Variants in TSHZ3 observed in about 807,000 individuals in gnomAD.
The protein encoded by TSHZ3 is teashirt zinc finger homeobox 3.
In TSHZ3, 10 loss-of-function variants were observed where a neutral mutation model predicts 64.5. The ratio of observed to expected loss-of-function variants is 0.16; its 90% CI spans 0.10 to 0.26. The LOEUF (loss-of-function observed/expected upper bound fraction) is 0.26. Among genes scored for constraint, TSHZ3 ranks in the 10% least tolerant of loss-of-function variants. TSHZ3 has a pLI of 1.00. For missense variants in TSHZ3, 1,242 were observed against 1,421.7 expected (o/e 0.87, Z 2.03); for synonymous variants, 608 against 593.1 (o/e 1.03, Z -0.36).
At chr19:31,251,461 G>T (rs1975840985) in intron 1 of TSHZ3, among the ~76,000 whole-genome samples, 1 of 152,166 alleles carries the variant, frequency 6.6e-6, no homozygotes, top group Non-Finnish European at 1.5e-5. Flanking sequence ...TGACATGGGT[G>T]CCTGGGATAT....
intron 1 of TSHZ3, among the ~76,000 whole-genome samples, chr19:31,335,939 G>A (rs563508579): frequency 5.8e-4 from 89 of 152,318 alleles, no homozygotes; most frequent in Admixed American, 2.7e-3. Flanking sequence ...TGACAGGGAG[G>A]GAGTCAGGGA....
intron 3 of TSHZ3, among the ~76,000 whole-genome samples, chr19:31,231,308 G>A (rs557782230): frequency 5.3e-5 from 8 of 152,154 alleles, no homozygotes; most frequent in East Asian, 3.9e-4. Context: ...GAGGCCGAGC[G>A]GAATTACAAA....
chr19:31,289,168 G>A (rs1976518321), intron 1 of TSHZ3, among the ~76,000 whole-genome samples: 1 of 152,224 alleles, frequency 6.6e-6, no homozygotes, highest in Non-Finnish European at 1.5e-5. Flanking sequence ...CCACACAGAA[G>A]GCCTCCTGCT....
upstream of TSHZ3, among the ~76,000 whole-genome samples, chr19:31,350,090 T>C (rs1299592921): frequency 9.8e-5 from 5 of 51,002 alleles, no homozygotes; most frequent in African/African-American, 3.8e-4. Context: ...ACCCCCCAGC[T>C]GCCCCACCCG....
At chr19:31,228,801 G>T in intron 3 of TSHZ3, among the ~76,000 whole-genome samples, 1 of 152,272 alleles carries the variant, frequency 6.6e-6, no homozygotes, top group Non-Finnish European at 1.5e-5. Context: ...ATGGGTCAGT[G>T]ACTGCAGGGT....
At chr19:31,181,483 C>T (rs1276862663) in intron 5 of TSHZ3, among the ~76,000 whole-genome samples, 1 of 152,154 alleles carries the variant, frequency 6.6e-6, no homozygotes, top group African/African-American at 2.4e-5. Context: ...AGTAGCAGTG[C>T]TCTGTGGCTG....
chr19:31,327,690 C>G (rs1916972162), intron 1 of TSHZ3, among the ~76,000 whole-genome samples: 1 of 152,128 alleles, frequency 6.6e-6, no homozygotes, highest in South Asian at 2.1e-4. Flanking sequence ...GTATATGTAA[C>G]TGAGCCAGGC....
intron 1 of TSHZ3, among the ~76,000 whole-genome samples, chr19:31,286,777 C>T (rs1976472578): frequency 6.6e-6 from 1 of 152,216 alleles, no homozygotes; most frequent in Non-Finnish European, 1.5e-5. Flanking sequence ...CACACCTACC[C>T]TTCCAGGAGG....
At chr19:31,168,829 C>T (rs1974494920) in intron 5 of TSHZ3, among the ~76,000 whole-genome samples, 1 of 152,166 alleles carries the variant, frequency 6.6e-6, no homozygotes, top group Non-Finnish European at 1.5e-5. Flanking sequence ...AGGACGTAGT[C>T]TGTGGCCTGC....
chr19:31,257,225 C>T (rs1049003876), intron 1 of TSHZ3, among the ~76,000 whole-genome samples: 5 of 152,040 alleles, frequency 3.3e-5, no homozygotes, highest in East Asian at 3.9e-4. Context: ...CTCAGGGTGG[C>T]GAGGGAGCAG....
At chr19:31,216,759 C>T (rs927369535) in intron 4 of TSHZ3, among the ~76,000 whole-genome samples, 14 of 152,126 alleles carry the variant, frequency 9.2e-5, no homozygotes, top group Admixed American at 7.9e-4. Context: ...GCCTCTCTCC[C>T]GAGTAGCTGG....
intron 3 of TSHZ3, among the ~76,000 whole-genome samples, chr19:31,236,998 T>C (rs1010416934): frequency 2.6e-5 from 4 of 151,894 alleles, no homozygotes; most frequent in Non-Finnish European, 5.9e-5. Flanking sequence ...AAAATACAAA[T>C]ATTAGCCGGG....
intron 1 of TSHZ3, among the ~76,000 whole-genome samples, chr19:31,333,168 C>T: frequency 6.6e-6 from 1 of 151,702 alleles, no homozygotes; most frequent in African/African-American, 2.4e-5. Flanking sequence ...GGGTGAAGGC[C>T]ACACTCAAAG....
intron 3 of TSHZ3, among the ~76,000 whole-genome samples, chr19:31,235,451 G>A: frequency 6.6e-6 from 1 of 151,566 alleles, no homozygotes; most frequent in Non-Finnish European, 1.5e-5. Context: ...GTATCTGCCT[G>A]TCTGTCTCTA....
intron 5 of TSHZ3, among the ~76,000 whole-genome samples, chr19:31,201,550 A>G (rs191107109): frequency 7.1e-4 from 108 of 152,324 alleles, no homozygotes; most frequent in African/African-American, 2.4e-3. Flanking sequence ...TAAATAAGCC[A>G]CACTACAAAG....
chr19:31,169,128 G>C (rs969265199), intron 5 of TSHZ3, among the ~76,000 whole-genome samples: 2 of 151,806 alleles, frequency 1.3e-5, no homozygotes, highest in East Asian at 1.9e-4. Context: ...AAAAAAAAGA[G>C]AGAGAGAGAG....
intron 5 of TSHZ3, among the ~76,000 whole-genome samples, chr19:31,200,830 A>AG (rs977018078): frequency 9.2e-5 from 14 of 152,068 alleles, no homozygotes; most frequent in East Asian, 5.8e-4. Flanking sequence ...GTGTGTGGGA[A>AG]GGGGGGTGCA....
intron 1 of TSHZ3, among the ~76,000 whole-genome samples, chr19:31,304,866 C>A (rs1976813239): frequency 6.6e-6 from 1 of 152,234 alleles, no homozygotes; most frequent in South Asian, 2.1e-4. Context: ...GCGCGATTCC[C>A]CGCAGCGCAC....
downstream of TSHZ3, among the ~76,000 whole-genome samples, chr19:31,272,253 A>T (rs745658093): frequency 1.4e-4 from 22 of 151,930 alleles, no homozygotes; most frequent in Admixed American, 5.9e-4. Context: ...TTTTTCCTCT[A>T]TAAGTATTTT....
Sources: allele counts gnomAD v4.1 joint callset (sites outside exome capture counted in the v4.1 genomes callset), GRCh38; gene constraint gnomAD v4.1.1; transcripts MANE v1.5; gene names NCBI Gene and HGNC (gene_info 2026-07-23, HGNC 2026-07-21).